The following NLRP4 variants were observed in gnomAD, a reference collection of about 807,000 sequenced individuals.
The protein encoded by NLRP4 is NACHT, LRR and PYD domains-containing protein 4.
NLRP4 carries 44 observed loss-of-function variants against 84.7 expected under a neutral mutation model. The observed-to-expected ratio is 0.52, with a 90% CI of 0.41 to 0.67. The LOEUF (loss-of-function observed/expected upper bound fraction) is 0.67. Among genes scored for constraint, NLRP4 ranks in the 30% least tolerant of loss-of-function variants. NLRP4 has a pLI of 0.00. For synonymous variants in NLRP4, 544 were observed against 476.4 expected, an observed-to-expected ratio of 1.14 and a Z score of -1.85; for missense variants, 1,260 against 1,219.4, an observed-to-expected ratio of 1.03 and a Z score of -0.50.
At chr19:55,863,306 A>G (rs987619245) in intron 5 of NLRP4, among the ~76,000 whole-genome samples, 1 of 152,210 alleles carries the variant, frequency 6.6e-6, no homozygotes, top group Admixed American at 6.5e-5. Context: ...TCGCGCTGCT[A>G]TAAAGACATA....
intron 5 of NLRP4, among the ~76,000 whole-genome samples, chr19:55,866,740 A>G (rs896143364): frequency 3.3e-5 from 5 of 152,216 alleles, no homozygotes; most frequent in Non-Finnish European, 1.5e-5. Context: ...GCGGGCACAC[A>G]TGCAAAATAG....
intron 4 of NLRP4, 121 bp downstream of exon 4, chr19:55,861,668 A>T: frequency 1.1e-6 from 1 of 879,572 alleles, no homozygotes. Context: ...CAGTTGCTCA[A>T]CCTCAGCACT....
chr19:55,866,110 TA>T (rs1387207803), intron 5 of NLRP4, among the ~76,000 whole-genome samples: 3 of 152,140 alleles, frequency 2.0e-5, no homozygotes, highest in African/African-American at 7.2e-5. Flanking sequence ...CTCAGTTCAC[TA>T]AAACCTCCGC....
intron 1 of NLRP4, among the ~76,000 whole-genome samples, chr19:55,851,650 CCGAGGCTGCGGTGTAATGT>C: frequency 7.7e-6 from 1 of 129,452 alleles, no homozygotes; most frequent in Non-Finnish European, 1.7e-5. Flanking sequence ...GGTGTAATGT[CCGAGGCTGCGGTGTAATGT>C]CCGAGGCTGC....
At chr19:55,876,951 T>C (rs1471302611) in intron 7 of NLRP4, 45 bp from the exon 8 acceptor site, 1 of 1,511,096 alleles carries the variant, frequency 6.6e-7, no homozygotes, top group Non-Finnish European at 9.1e-7. Flanking sequence ...GATATTAGAC[T>C]GAGGTGTAAT....
intron 1 of NLRP4, among the ~76,000 whole-genome samples, chr19:55,840,893 C>A (rs1380968771): frequency 2.6e-5 from 4 of 152,098 alleles, no homozygotes; most frequent in Non-Finnish European, 5.9e-5. Context: ...AATATCTTTT[C>A]CTTCTAATTC....
Position 55,850,847 on chromosome 19 carries a change from T to G in NLRP4, c.-65-1169T>G, listed in dbSNP as rs369032057. 8.7e-3 allele frequency among the ~76,000 whole-genome samples: 268 copies of G among 30,654 alleles called. 4 individuals carry two copies. Among genetic ancestry groups the G allele is most frequent in the African/African-American group, 0.011 (16 of 1,516 alleles). 20.1% of individuals were successfully genotyped at this position (30,654 alleles called of 152,430 possible). ...GTAATGTCCGAGGCTGCGGTGTAAT[T>G]TACGAGGCTGCGGTGTAATTTACGA... On this transcript the variant is annotated intron_variant, in intron 1 of 9. Coordinates refer to ENST00000301295, the MANE Select transcript of NLRP4 (RefSeq NM_134444.5).
chr19:55,856,285 C>T (rs1042592054), intron 2 of NLRP4, among the ~76,000 whole-genome samples: 9 of 152,088 alleles, frequency 5.9e-5, no homozygotes, highest in South Asian at 2.1e-4. Flanking sequence ...TGAGCCACTG[C>T]GCCCAGCCAA....
At chr19:55,845,869 G>T (rs1324119582) in intron 1 of NLRP4, among the ~76,000 whole-genome samples, 2 of 106,036 alleles carry the variant, frequency 1.9e-5, no homozygotes, top group African/African-American at 1.6e-4. Context: ...CTTTTTGATG[G>T]GGTTGTTTTT....
At chr19:55,854,842 C>G (rs1486301674) in intron 2 of NLRP4, among the ~76,000 whole-genome samples, 3 of 152,082 alleles carry the variant, frequency 2.0e-5, no homozygotes, top group African/African-American at 7.2e-5. Context: ...CCTGCCTCAG[C>G]CTCCGGAGTA....
At chr19:55,866,679 G>A (rs972887083) in intron 5 of NLRP4, among the ~76,000 whole-genome samples, 3 of 152,146 alleles carry the variant, frequency 2.0e-5, no homozygotes, top group Non-Finnish European at 4.4e-5. Flanking sequence ...GCAGAGACCT[G>A]AATGATAAAG....
chr19:55,841,759 G>C (rs914563124), intron 1 of NLRP4, among the ~76,000 whole-genome samples: 4 of 152,108 alleles, frequency 2.6e-5, no homozygotes, highest in Non-Finnish European at 4.4e-5. Context: ...CAGATACTTG[G>C]GAAGCTGAGG....
In NLRP4 at chr19:55,858,161, G is replaced by A. The variant is rs140962628; in HGVS notation, c.768G>A (p.Pro256=). The change falls in exon 3 of 10, where the codon CCG becomes CCA. Residue 256 remains proline (P), a synonymous_variant. Coordinates refer to ENST00000301295, the MANE Select transcript of NLRP4 (RefSeq NM_134444.5). The surrounding 1 kb of genome is among the most constrained non-coding windows in gnomAD (Gnocchi z 4.2). Reference sequence around the variant, plus strand: ...GTGGTGACTTGATGGAGAAACGGCCGGTGCAGGTGCTTCTGAGCAGTTTGC... The same window carrying A: ...GTGGTGACTTGATGGAGAAACGGCCAGTGCAGGTGCTTCTGAGCAGTTTGC... ...DLCGDLMEKR[P]VQVLLSSLLR... 4.7e-5 allele frequency: 76 copies of A among 1,614,102 alleles called. No individual in the cohort carries two copies. Among genetic ancestry groups the A allele is most frequent in the South Asian group, 9.9e-5 (9 of 91,060 alleles).
intron 1 of NLRP4, among the ~76,000 whole-genome samples, chr19:55,845,217 C>T (rs1039103351): frequency 2.2e-5 from 3 of 137,482 alleles, no homozygotes; most frequent in Non-Finnish European, 4.6e-5. Context: ...TGATGTTCCC[C>T]TTCCTGTGTC....
chr19:55,849,083 A>G (rs1188954890), intron 1 of NLRP4, among the ~76,000 whole-genome samples: 1 of 152,184 alleles, frequency 6.6e-6, no homozygotes, highest in Non-Finnish European at 1.5e-5. Context: ...TATCAGCAGC[A>G]TGAGAACAGA....
At chr19:55,866,780 C>T (rs913143758) in intron 5 of NLRP4, among the ~76,000 whole-genome samples, 1 of 152,152 alleles carries the variant, frequency 6.6e-6, no homozygotes, top group Non-Finnish European at 1.5e-5. Flanking sequence ...CCACTAGACA[C>T]GAGTTTGGGG....
At chr19:55,859,926 C>CAAAAAAAAAAAAAAA (rs1166037425) in intron 3 of NLRP4, among the ~76,000 whole-genome samples, 1 of 17,500 alleles carries the variant, frequency 5.7e-5, no homozygotes, top group African/African-American at 2.2e-4. Context: ...CTCTCATCTC[C>CAAAAAAAAAAAAAAA]AAAAAAAAAA....
At chr19:55,837,457 G>C (rs1354265542) in intron 1 of NLRP4, among the ~76,000 whole-genome samples, 7 of 151,948 alleles carry the variant, frequency 4.6e-5, no homozygotes, top group Non-Finnish European at 8.8e-5. Flanking sequence ...GGTGTAACTT[G>C]GTATCCATTA....
chr19:55,872,053 C>T (rs1355678210), intron 7 of NLRP4, among the ~76,000 whole-genome samples: 3 of 151,698 alleles, frequency 2.0e-5, no homozygotes, highest in Non-Finnish European at 4.4e-5. Context: ...TTTCACTGTG[C>T]TAGCCAGGAT....
Sources: allele counts gnomAD v4.1 joint callset (sites outside exome capture counted in the v4.1 genomes callset), GRCh38; gene constraint gnomAD v4.1.1; non-coding constraint Gnocchi (gnomAD v3.1); transcripts MANE v1.5; gene names NCBI Gene and HGNC (gene_info 2026-07-23, HGNC 2026-07-21).